NTRK2: variants seen among roughly 807,000 people sequenced by gnomAD.
The protein encoded by NTRK2 is neurotrophic receptor tyrosine kinase 2, also known as BDNF/NT-3 growth factors receptor.
Under a neutral mutation model 94.5 loss-of-function variants are expected in NTRK2, and 13 were observed. The ratio of observed to expected loss-of-function variants is 0.14; its 90% CI spans 0.09 to 0.22. NTRK2 has a LOEUF of 0.22. Among genes scored for constraint, NTRK2 ranks in the 10% least tolerant of loss-of-function variants. The pLI is 1.00. For missense variants in NTRK2, 639 were observed against 1,071.2 expected, an observed-to-expected ratio of 0.60 and a Z score of 5.63; for synonymous variants, 372 against 407.4, an observed-to-expected ratio of 0.91 and a Z score of 1.05.
chr9:84,725,926 T>C (rs12683368), intron 8 of NTRK2, among the ~76,000 whole-genome samples: 4,043 of 152,194 alleles, frequency 0.027, 186 homozygotes, highest in African/African-American at 0.084. Flanking sequence ...GAGAGGAATG[T>C]CACTGGTAAC....
rs564087197 is a variant in NTRK2 at position 84,864,705 on chromosome 9, C to T, written c.1445-2538C>T. Among the ~76,000 whole-genome samples the T allele has an allele frequency of 2.8e-5, 4 of 144,538 alleles. No individual in the cohort carries two copies. The Admixed American group carries it at 2.8e-4, about 10-fold the overall frequency. The allele number at this position is 144,538 out of a possible 152,430, so 94.8% of individuals were successfully genotyped here. On this transcript the variant is annotated intron_variant, in intron 13 of 18. Coordinates refer to ENST00000277120, the MANE Select transcript of NTRK2 (RefSeq NM_006180.6). ...GTGAGAAGGTTTTGTTGACAAGATG[C>T]GGAAACCTTAGCATAACACATCTTA...
At chr9:84,959,593 C>T (rs896391309) in intron 17 of NTRK2, among the ~76,000 whole-genome samples, 2 of 152,200 alleles carry the variant, frequency 1.3e-5, no homozygotes, top group Non-Finnish European at 2.9e-5. Flanking sequence ...GCTAATTATA[C>T]CTTCCCAATG....
At chr9:84,831,428 G>A (rs1169718926) in intron 12 of NTRK2, among the ~76,000 whole-genome samples, 1 of 152,202 alleles carries the variant, frequency 6.6e-6, no homozygotes, top group African/African-American at 2.4e-5. Context: ...GAAAGGGAGA[G>A]AGAGAGAGGA....
chr9:84,996,053 A>C (rs1451870073), intron 17 of NTRK2, among the ~76,000 whole-genome samples: 1 of 152,234 alleles, frequency 6.6e-6, no homozygotes, highest in African/African-American at 2.4e-5. Context: ...TTGACTTAAC[A>C]AAGAGCACTT....
chr9:84,901,624 G>A (rs771433095), intron 14 of NTRK2, among the ~76,000 whole-genome samples: 2 of 152,098 alleles, frequency 1.3e-5, no homozygotes, highest in Non-Finnish European at 2.9e-5. Context: ...TCAAGTTATT[G>A]TGAAGAGCAT....
At chr9:84,680,529 C>CT (rs1363951323) in intron 2 of NTRK2, among the ~76,000 whole-genome samples, 2 of 152,184 alleles carry the variant, frequency 1.3e-5, no homozygotes, top group Non-Finnish European at 2.9e-5. Flanking sequence ...CAACCTCGAG[C>CT]TTTTTTCTAT....
chr9:84,862,626 G>A (rs948916970), intron 13 of NTRK2, among the ~76,000 whole-genome samples: 2 of 152,160 alleles, frequency 1.3e-5, no homozygotes, highest in African/African-American at 4.8e-5. Flanking sequence ...AGTTTGGTGA[G>A]ACCAACAATT....
At position 84,888,982 on chromosome 9, in the gene NTRK2, A is replaced by AT. The variant is rs71369159; in HGVS notation, c.1633+21577dup. On this transcript the variant is annotated intron_variant, in intron 14 of 18. Transcript: ENST00000277120. ...TCCCCATTATTTATTAATGACAGAA[A>AT]TTTTTTTTTTTTTTTTTTTTTTTTT... Among the ~76,000 whole-genome samples the AT allele has an allele frequency of 4.0e-3, 406 of 101,714 alleles. 12 individuals carry two copies. The highest frequency in any genetic ancestry group is 0.015 in the Middle Eastern group (3 of 206). The allele number at this position is 101,714 out of a possible 152,430, so 66.7% of individuals were successfully genotyped here.
At chr9:84,733,008 G>A (rs987375415) in intron 9 of NTRK2, among the ~76,000 whole-genome samples, 2 of 152,114 alleles carry the variant, frequency 1.3e-5, no homozygotes, top group African/African-American at 4.8e-5. Context: ...TGGACTGCAG[G>A]GGACACTCAT....
At chr9:84,948,833 T>A (rs1200311376) in intron 16 of NTRK2, among the ~76,000 whole-genome samples, 199 bp downstream of exon 16, 1 of 152,234 alleles carries the variant, frequency 6.6e-6, no homozygotes, top group Non-Finnish European at 1.5e-5. Context: ...ATGAATTCTA[T>A]GTAATGTGAT....
At chr9:84,926,764 A>T (rs574324640) in intron 14 of NTRK2, among the ~76,000 whole-genome samples, 13 of 152,110 alleles carry the variant, frequency 8.5e-5, no homozygotes, top group African/African-American at 2.9e-4. Flanking sequence ...TGGTTGTCTC[A>T]TGTATTCCAG....
chr9:84,971,718 C>T (rs531195153), intron 17 of NTRK2, among the ~76,000 whole-genome samples: 1 of 152,322 alleles, frequency 6.6e-6, no homozygotes, highest in African/African-American at 2.4e-5. Flanking sequence ...CTTTGCAACT[C>T]TGTGAGCCAG....
At chr9:84,798,517 G>A (rs1213406327) in intron 12 of NTRK2, among the ~76,000 whole-genome samples, 1 of 152,140 alleles carries the variant, frequency 6.6e-6, no homozygotes, top group Non-Finnish European at 1.5e-5. Flanking sequence ...CCCTTGGCTG[G>A]CCCTGTGCCC....
At chr9:84,866,258 C>T (rs1029136491) in intron 13 of NTRK2, among the ~76,000 whole-genome samples, 2 of 152,150 alleles carry the variant, frequency 1.3e-5, no homozygotes, top group South Asian at 2.1e-4. Context: ...ATCTGGTCTA[C>T]CAGTTAAAGT....
intron 4 of NTRK2, among the ~76,000 whole-genome samples, chr9:84,704,118 A>G (rs2060894759): frequency 6.6e-6 from 1 of 151,004 alleles, no homozygotes; most frequent in South Asian, 2.1e-4. Context: ...AGACTTACTG[A>G]TTACTTTACT....
chr9:85,012,193 T>C (rs370484399), intron 17 of NTRK2, among the ~76,000 whole-genome samples: 11 of 152,092 alleles, frequency 7.2e-5, no homozygotes, highest in African/African-American at 2.7e-4. Flanking sequence ...TTCACCATGT[T>C]GGCCAGGATG....
At chr9:84,954,581 G>C (rs189067734) in intron 16 of NTRK2, among the ~76,000 whole-genome samples, 6 of 152,360 alleles carry the variant, frequency 3.9e-5, no homozygotes, top group Admixed American at 1.3e-4. Flanking sequence ...GCGGAGGTTG[G>C]AGGAGGGGTG....
intron 2 of NTRK2, among the ~76,000 whole-genome samples, chr9:84,687,575 T>C (rs2059794315): frequency 6.6e-6 from 1 of 152,216 alleles, no homozygotes; most frequent in Admixed American, 6.5e-5. Flanking sequence ...TACCATCCTT[T>C]GATTGCATTT....
intron 2 of NTRK2, among the ~76,000 whole-genome samples, chr9:84,691,210 C>T (rs2060029816): frequency 6.6e-6 from 1 of 152,164 alleles, no homozygotes; most frequent in African/African-American, 2.4e-5. Flanking sequence ...ATTTCTTTTG[C>T]AGGAACAATA....
Sources: allele counts gnomAD v4.1 joint callset (sites outside exome capture counted in the v4.1 genomes callset), GRCh38; gene constraint gnomAD v4.1.1; transcripts MANE v1.5; gene names NCBI Gene and HGNC (gene_info 2026-07-23, HGNC 2026-07-21).